PPP4R4: variants seen among roughly 807,000 people sequenced by gnomAD.
PPP4R4 encodes protein phosphatase 4 regulatory subunit 4, also known as serine/threonine-protein phosphatase 4 regulatory subunit 4.
In PPP4R4, 70 loss-of-function variants were observed where a neutral mutation model predicts 121.8. The observed-to-expected ratio is 0.57, with a 90% CI of 0.47 to 0.70. The LOEUF (loss-of-function observed/expected upper bound fraction) is 0.70, where lower values mean the gene tolerates loss of function less well. Ranked by LOEUF, PPP4R4 falls within the 30% of genes least tolerant of loss-of-function variation. The pLI is 0.00. For missense variants in PPP4R4, 875 were observed against 1,033.6 expected, an observed-to-expected ratio of 0.85 and a Z score of 2.10; for synonymous variants, 348 against 355.7, an observed-to-expected ratio of 0.98 and a Z score of 0.24.
chr14:94,201,884 C>A (rs1213648003), intron 2 of PPP4R4, among the ~76,000 whole-genome samples: 1 of 151,464 alleles, frequency 6.6e-6, no homozygotes, highest in Admixed American at 6.6e-5. Context: ...AAATATGGAA[C>A]CAGCCCAAAT....
At chr14:94,233,548 C>A in intron 5 of PPP4R4, 105 bp from the exon 6 acceptor site, 1 of 690,744 alleles carries the variant, frequency 1.4e-6, no homozygotes, top group Non-Finnish European at 2.4e-6. Flanking sequence ...AATTCAGGTT[C>A]TTTAAAAACA....
At chr14:94,274,985 A>G (rs1015219524) in intron 23 of PPP4R4, among the ~76,000 whole-genome samples, 5 of 152,214 alleles carry the variant, frequency 3.3e-5, no homozygotes, top group African/African-American at 4.8e-5. Context: ...TACATAAAAC[A>G]TGAATGATTT....
intron 5 of PPP4R4, 91 bp downstream of exon 5, chr14:94,231,406 G>A: frequency 8.8e-7 from 1 of 1,133,404 alleles, no homozygotes; most frequent in Non-Finnish European, 1.3e-6. Flanking sequence ...TTTTAAAAAA[G>A]AAAGTTGTTT....
chr14:94,186,582 T>A (rs1889297822), intron 2 of PPP4R4, among the ~76,000 whole-genome samples: 1 of 152,234 alleles, frequency 6.6e-6, no homozygotes, highest in South Asian at 2.1e-4. Flanking sequence ...TAAATCTTTA[T>A]GTAGACATGT....
chr14:94,249,162 TGAAA>T (rs1277413687), intron 14 of PPP4R4, among the ~76,000 whole-genome samples: 1 of 152,038 alleles, frequency 6.6e-6, no homozygotes, highest in East Asian at 1.9e-4. Flanking sequence ...ATATATAAAA[TGAAA>T]GAAAAGAATA....
intron 3 of PPP4R4, among the ~76,000 whole-genome samples, chr14:94,217,581 A>G (rs1242082763): frequency 1.3e-5 from 2 of 152,242 alleles, no homozygotes; most frequent in African/African-American, 2.4e-5. Context: ...TATTGGAAGT[A>G]TTAGAGAATT....
chr14:94,197,541 A>G (rs751568455), intron 2 of PPP4R4, among the ~76,000 whole-genome samples: 2 of 152,126 alleles, frequency 1.3e-5, no homozygotes, highest in Non-Finnish European at 2.9e-5. Flanking sequence ...GTATTTATAT[A>G]CTTTATTTTG....
At chr14:94,262,383 A>C (rs1336615311) in intron 19 of PPP4R4, among the ~76,000 whole-genome samples, 2 of 151,952 alleles carry the variant, frequency 1.3e-5, no homozygotes, top group East Asian at 3.9e-4. Context: ...TTAATCTATG[A>C]TGATAACCAT....
chr14:94,192,839 A>C (rs1889674232), intron 2 of PPP4R4, among the ~76,000 whole-genome samples: 1 of 152,192 alleles, frequency 6.6e-6, no homozygotes. Flanking sequence ...ACTTTGTGCT[A>C]TGTAGTCAAA....
In PPP4R4 at chr14:94,174,581, A is replaced by G. The variant is rs1158712944; in HGVS notation, c.116A>G (p.Lys39Arg). Reference sequence around the variant, plus strand: ...GAGAGGCCGGTCCGCCGGAGCCTCAAGGTGCGCCCCGGGGAGAGGACCTGC... The same window carrying G: ...GAGAGGCCGGTCCGCCGGAGCCTCAGGGTGCGCCCCGGGGAGAGGACCTGC... ...IIERPVRRSL[K>R]TPEEIERLTV... The change falls in exon 1 of 25, where the codon AAG (lysine) becomes AGG (arginine). Residue 39 changes from lysine (K) to arginine (R), a missense_variant and splice_region_variant. Coordinates refer to ENST00000304338, the MANE Select transcript of PPP4R4 (RefSeq NM_058237.2). The G allele has an allele frequency of 3.7e-6, 6 of 1,611,206 alleles. No individual in the cohort carries two copies. In the South Asian group the frequency reaches 5.5e-5, roughly 15 times the overall value.
chr14:94,192,182 A>C (rs546103046), intron 2 of PPP4R4, among the ~76,000 whole-genome samples: 2 of 152,152 alleles, frequency 1.3e-5, no homozygotes, highest in Non-Finnish European at 2.9e-5. Flanking sequence ...GACTATAATC[A>C]GGTTTGAATG....
chr14:94,230,150 T>C (rs1891936073), intron 3 of PPP4R4, among the ~76,000 whole-genome samples: 4 of 152,302 alleles, frequency 2.6e-5, no homozygotes, highest in Admixed American at 1.3e-4. Context: ...TTTTTTATAG[T>C]AGAATGTATG....
At chr14:94,243,081 C>T (rs1892715506) in intron 11 of PPP4R4, among the ~76,000 whole-genome samples, 2 of 152,058 alleles carry the variant, frequency 1.3e-5, no homozygotes, top group South Asian at 2.1e-4. Flanking sequence ...ATATTTCACC[C>T]CCTTCCTTGC....
chr14:94,214,255 T>C (rs368365172), intron 3 of PPP4R4, among the ~76,000 whole-genome samples: 36 of 152,314 alleles, frequency 2.4e-4, no homozygotes, highest in African/African-American at 8.4e-4. Flanking sequence ...GACACGTACA[T>C]GTAGAATGGT....
At chr14:94,272,460 A>G (rs936434474) in intron 23 of PPP4R4, among the ~76,000 whole-genome samples, 3 of 152,218 alleles carry the variant, frequency 2.0e-5, no homozygotes, top group African/African-American at 7.2e-5. Flanking sequence ...ACCCACATGA[A>G]AAAACAAAAT....
chr14:94,240,916 CT>C, intron 9 of PPP4R4, 121 bp downstream of exon 9: 3 of 1,204,734 alleles, frequency 2.5e-6, no homozygotes, highest in Non-Finnish European at 3.2e-6. Context: ...ATATAAAAAT[CT>C]TATGAGATCT....
intron 2 of PPP4R4, among the ~76,000 whole-genome samples, chr14:94,198,808 C>T (rs1890013035): frequency 1.3e-5 from 2 of 152,164 alleles, no homozygotes; most frequent in Non-Finnish European, 2.9e-5. Context: ...TGTCGTTTCA[C>T]CTTTTTAAAA....
chr14:94,259,159 G>A, intron 18 of PPP4R4, 136 bp from the exon 19 acceptor site: 1 of 1,415,430 alleles, frequency 7.1e-7, no homozygotes, highest in Non-Finnish European at 9.5e-7. Flanking sequence ...CAACATGTGG[G>A]AATTAGGGGA....
chr14:94,202,341 A>G (rs1453555427), intron 2 of PPP4R4, among the ~76,000 whole-genome samples: 1 of 152,222 alleles, frequency 6.6e-6, no homozygotes, highest in East Asian at 1.9e-4. Context: ...AAATGTGTGT[A>G]AGATCTGTTT....
Sources: gnomAD v4.1 joint callset for allele counts (sites outside exome capture counted in the v4.1 genomes callset) on GRCh38, gnomAD v4.1.1 for gene constraint, MANE v1.5 for transcripts, NCBI Gene and HGNC (gene_info 2026-07-23, HGNC 2026-07-21) for gene names.